The following PELI2 variants were observed in gnomAD, a reference collection of about 807,000 sequenced individuals.
PELI2 encodes the protein pellino E3 ubiquitin protein ligase family member 2, also known as E3 ubiquitin-protein ligase pellino homolog 2.
Under a neutral mutation model 42.3 loss-of-function variants are expected in PELI2, and 23 were observed. The observed-to-expected ratio is 0.54, with a 90% CI of 0.39 to 0.77. The LOEUF is 0.77. Among genes scored for constraint, PELI2 ranks in the 30% least tolerant of loss-of-function variants. The probability of loss-of-function intolerance (pLI) is 0.00; values close to 1 mark genes in which losing one functional copy is unlikely to be tolerated. For missense variants in PELI2, 463 were observed against 553.2 expected (o/e 0.84, Z 1.64); for synonymous variants, 245 against 212.2 (o/e 1.15, Z -1.34).
intron 1 of PELI2, among the ~76,000 whole-genome samples, chr14:56,150,383 T>G (rs1884301585): frequency 6.6e-6 from 1 of 152,246 alleles, no homozygotes; most frequent in Non-Finnish European, 1.5e-5. Context: ...TGTAATCTCG[T>G]AACTGATCCC....
At chr14:56,223,275 G>A (rs541083327) in intron 2 of PELI2, among the ~76,000 whole-genome samples, 4 of 152,268 alleles carry the variant, frequency 2.6e-5, no homozygotes, top group African/African-American at 9.6e-5. Context: ...GCTTAATAAT[G>A]CTTCTTCTTA....
intron 2 of PELI2, among the ~76,000 whole-genome samples, chr14:56,232,128 A>G (rs1355215626): frequency 6.6e-6 from 1 of 152,294 alleles, no homozygotes; most frequent in Admixed American, 6.5e-5. Context: ...TAGCTTACCA[A>G]CCAAAAAAAG....
In PELI2 at chr14:56,179,952, A is replaced by G. The variant is rs1431590193; in HGVS notation, c.207+1488A>G. 2.6e-5 allele frequency among the ~76,000 whole-genome samples: 4 copies of G among 152,294 alleles called. No homozygotes were observed. The South Asian group carries it at 8.3e-4, about 32-fold the overall frequency. On this transcript the variant is annotated intron_variant, in intron 2 of 5. Transcript: ENST00000267460. The stretch of plus-strand genomic sequence containing the variant: ...TATAGAAATATTGCTTTGATTACTC[A>G]TGCTTCATGTTGTGATAGAATGAAA...
At chr14:56,140,321 A>T (rs537804425) in intron 1 of PELI2, among the ~76,000 whole-genome samples, 1 of 152,350 alleles carries the variant, frequency 6.6e-6, no homozygotes, top group South Asian at 2.1e-4. Context: ...AATGAATTAC[A>T]ACCATATCTA....
At chr14:56,246,340 G>A (rs567008693) in intron 2 of PELI2, among the ~76,000 whole-genome samples, 14 of 152,186 alleles carry the variant, frequency 9.2e-5, no homozygotes, top group African/African-American at 3.1e-4. Flanking sequence ...TTATACCTTG[G>A]TTTTGATTCT....
intron 1 of PELI2, among the ~76,000 whole-genome samples, chr14:56,153,772 C>A (rs1054694064): frequency 6.6e-6 from 1 of 152,142 alleles, no homozygotes; most frequent in African/African-American, 2.4e-5. Context: ...GAGGTCATCA[C>A]CATGCATCCT....
intron 1 of PELI2, among the ~76,000 whole-genome samples, chr14:56,124,812 C>T (rs957273509): frequency 5.3e-5 from 8 of 152,150 alleles, no homozygotes; most frequent in African/African-American, 1.9e-4. Flanking sequence ...TTGGAGTATT[C>T]TGCAACCTAG....
At chr14:56,275,760 G>A (rs898790520) in intron 2 of PELI2, among the ~76,000 whole-genome samples, 2 of 152,132 alleles carry the variant, frequency 1.3e-5, no homozygotes, top group Non-Finnish European at 1.5e-5. Flanking sequence ...ACTGATAGCA[G>A]CCTGTGGCCC....
At chr14:56,212,702 C>A in intron 2 of PELI2, among the ~76,000 whole-genome samples, 1 of 152,314 alleles carries the variant, frequency 6.6e-6, no homozygotes, top group East Asian at 1.9e-4. Flanking sequence ...CTGAGTCAAT[C>A]ATGCAGGGCG....
At chr14:56,234,429 G>T (rs1490524062) in intron 2 of PELI2, among the ~76,000 whole-genome samples, 1 of 152,158 alleles carries the variant, frequency 6.6e-6, no homozygotes, top group Non-Finnish European at 1.5e-5. Flanking sequence ...CCACAAAAAA[G>T]GATGAGTTCA....
At chr14:56,291,104 T>G (rs1228656189) in intron 5 of PELI2, among the ~76,000 whole-genome samples, 3 of 152,232 alleles carry the variant, frequency 2.0e-5, no homozygotes, top group Admixed American at 2.0e-4. Flanking sequence ...AATATAGAAC[T>G]TTGGGTTTCT....
chr14:56,222,582 G>A (rs910713613), intron 2 of PELI2, among the ~76,000 whole-genome samples: 4 of 152,186 alleles, frequency 2.6e-5, no homozygotes, highest in African/African-American at 9.7e-5. Flanking sequence ...TTCATCAAAG[G>A]CAATATGAAA....
chr14:56,171,495 A>G (rs1337178555), intron 1 of PELI2, among the ~76,000 whole-genome samples: 1 of 152,216 alleles, frequency 6.6e-6, no homozygotes, highest in African/African-American at 2.4e-5. Context: ...ATAGCAGCAC[A>G]AAACATACTA....
intron 2 of PELI2, among the ~76,000 whole-genome samples, chr14:56,183,475 A>C (rs1013484158): frequency 6.6e-6 from 1 of 152,202 alleles, no homozygotes; most frequent in African/African-American, 2.4e-5. Flanking sequence ...AATATACTGT[A>C]TAGTTTAAAA....
At chr14:56,226,165 T>C (rs1687058576) in intron 2 of PELI2, among the ~76,000 whole-genome samples, 3 of 152,162 alleles carry the variant, frequency 2.0e-5, no homozygotes, top group African/African-American at 4.8e-5. Flanking sequence ...ACCTTGCTTA[T>C]CTGACATAGG....
Position 56,175,303 on chromosome 14 carries a change from C to T in PELI2, c.78-3032C>T, listed in dbSNP as rs369326880. The stretch of plus-strand genomic sequence containing the variant: ...GAGCCAACGTGCCTGGCCAAGATTT[C>T]GACAGTTCAAGCAGTGCTTCCACCA... On this transcript the variant is annotated intron_variant, in intron 1 of 5. Coordinates refer to ENST00000267460, the MANE Select transcript of PELI2 (RefSeq NM_021255.3). Among the ~76,000 whole-genome samples the T allele has an allele frequency of 2.6e-4, 39 of 152,268 alleles. 2 individuals are homozygous for T. In the East Asian group the frequency reaches 3.3e-3, roughly 13 times the overall value.
At chr14:56,192,198 A>G (rs242398) in intron 2 of PELI2, among the ~76,000 whole-genome samples, 15,958 of 152,210 alleles carry the variant, frequency 0.1, 1,102 homozygotes, top group East Asian at 0.28. Context: ...GTTGTTTTTG[A>G]AAAATGGAAT....
chr14:56,194,889 A>G lies in PELI2; in HGVS notation c.207+16425A>G, dbSNP rs563112909. Reference sequence around the variant, plus strand: ...TAGTACATTTAGGATCTTGTCTTTTATGTAAGTGAAAATAAGGACCGAGTG... The same window carrying G: ...TAGTACATTTAGGATCTTGTCTTTTGTGTAAGTGAAAATAAGGACCGAGTG... On this transcript the variant is annotated intron_variant, in intron 2 of 5. Transcript: ENST00000267460. Among the ~76,000 whole-genome samples, 4 of 152,236 alleles carry G rather than the reference A, an allele frequency of 2.6e-5. No individual in the cohort carries two copies. The East Asian group carries it at 7.7e-4, about 29-fold the overall frequency.
At chr14:56,251,973 T>A (rs1888361736) in intron 2 of PELI2, among the ~76,000 whole-genome samples, 1 of 152,174 alleles carries the variant, frequency 6.6e-6, no homozygotes, top group South Asian at 2.1e-4. Flanking sequence ...CATAAATGGA[T>A]TATGATGTAG....
Sources: gnomAD v4.1 joint callset for allele counts (sites outside exome capture counted in the v4.1 genomes callset) on GRCh38, gnomAD v4.1.1 for gene constraint, MANE v1.5 for transcripts, NCBI Gene and HGNC (gene_info 2026-07-23, HGNC 2026-07-21) for gene names.